The following TENM1 variants were observed in gnomAD, a reference collection of about 807,000 sequenced individuals.
TENM1 encodes the protein teneurin-1.
Under a neutral mutation model 174.8 loss-of-function variants are expected in TENM1, and 35 were observed. That is an observed-to-expected ratio of 0.20 (90% confidence interval 0.15 to 0.27). The LOEUF (loss-of-function observed/expected upper bound fraction) is 0.27, where lower values mean the gene tolerates loss of function less well. Among genes scored for constraint, TENM1 ranks in the 10% least tolerant of loss-of-function variants. TENM1 has a pLI of 1.00. For missense variants in TENM1, 1,633 were observed against 2,130.1 expected (o/e 0.77, Z 4.59); for synonymous variants, 781 against 798.7 (o/e 0.98, Z 0.37).
At chrX:125,161,462 G>T in the TENM1 span, among the ~76,000 whole-genome samples, 235 of 111,694 alleles carry the variant, frequency 2.1e-3, 1 homozygote, top group African/African-American at 7.3e-3. Context: ...GCCATAAAAG[G>T]AATGAAGTGT....
At position 124,756,924 on chromosome X, in the gene TENM1, C is replaced by T. The variant is rs1406208006; in HGVS notation, c.536-19727G>A. On this transcript the variant is annotated intron_variant, in intron 3 of 31. Coordinates refer to ENST00000422452, the Ensembl canonical transcript of TENM1. ...TACTGGGGGGTGCCTCCCAGTTAGG[C>T]TGCTCGGGGGTCAGGGGTCAGGGAC... Among the ~76,000 whole-genome samples, 14 of 112,191 alleles carry T rather than the reference C, an allele frequency of 1.2e-4. 1 individual carries two copies. In the South Asian group the frequency reaches 3.8e-3, roughly 30 times the overall value.
At chrX:124,528,250 T>G (rs184941300) in intron 16 of TENM1, among the ~76,000 whole-genome samples, 9 of 111,096 alleles carry the variant, frequency 8.1e-5, no homozygotes, top group Non-Finnish European at 1.7e-4. Context: ...GCATTTCACT[T>G]AAAACTAAAG....
At chrX:125,015,449 T>TAAAGAGGTATG in the TENM1 span, among the ~76,000 whole-genome samples, 1 of 111,706 alleles carries the variant, frequency 9.0e-6, no homozygotes, top group Non-Finnish European at 1.9e-5. Flanking sequence ...GCACCTATGT[T>TAAAGAGGTATG]TCCCACTACC....
upstream of TENM1, chrX:124,963,958 G>A (rs899376624): frequency 6.7e-5 from 28 of 415,304 alleles, no homozygotes; most frequent in Admixed American, 9.1e-5. Context: ...GAAGCTAGCC[G>A]GAGGCAATAA....
the TENM1 span, among the ~76,000 whole-genome samples, chrX:125,001,541 T>C: frequency 2.7e-5 from 3 of 111,228 alleles, no homozygotes; most frequent in African/African-American, 9.8e-5. Context: ...ACAGACATGA[T>C]AGTCACTAGG....
intron 3 of TENM1, among the ~76,000 whole-genome samples, chrX:124,828,402 G>A (rs2056216222): frequency 8.9e-6 from 1 of 112,193 alleles, no homozygotes; most frequent in South Asian, 3.7e-4. Context: ...TTATTATATT[G>A]TTTTAGCCAC....
intron 3 of TENM1, among the ~76,000 whole-genome samples, chrX:124,874,213 C>T (rs1186165187): frequency 1.8e-5 from 2 of 111,441 alleles, no homozygotes; most frequent in African/African-American, 6.5e-5. Context: ...TTCATATCGA[C>T]TGTATCTATT....
the TENM1 span, among the ~76,000 whole-genome samples, chrX:125,089,155 T>C: frequency 9.0e-6 from 1 of 111,637 alleles, no homozygotes. Context: ...TCAACTGGGG[T>C]GCTGGTCTCT....
At chrX:124,378,290 A>C in exon 32 of TENM1, 1 of 112,606 alleles carries the variant, frequency 8.9e-6, no homozygotes, top group Middle Eastern at 4.6e-3. Flanking sequence ...AATTGCTTAA[A>C]ATATAAGCAA....
At chrX:124,484,451 A>T (rs1013189829) in intron 21 of TENM1, among the ~76,000 whole-genome samples, 1 of 111,945 alleles carries the variant, frequency 8.9e-6, no homozygotes, top group African/African-American at 3.2e-5. Flanking sequence ...ATCTACATAA[A>T]TTATTTGGAA....
chrX:124,694,601 C>T (rs1277440741), intron 5 of TENM1, among the ~76,000 whole-genome samples: 4 of 112,067 alleles, frequency 3.6e-5, no homozygotes, highest in Non-Finnish European at 5.6e-5. Context: ...TTTATTTTTA[C>T]GTTTATATAA....
At chrX:124,513,189 T>G (rs1407961468) in intron 18 of TENM1, among the ~76,000 whole-genome samples, 1 of 111,914 alleles carries the variant, frequency 8.9e-6, no homozygotes, top group Non-Finnish European at 1.9e-5. Flanking sequence ...TTCCAGAGGC[T>G]CTAAGGGAAA....
intron 11 of TENM1, among the ~76,000 whole-genome samples, chrX:124,619,792 T>A (rs2050477316): frequency 1.8e-5 from 2 of 112,091 alleles, no homozygotes; most frequent in Non-Finnish European, 3.8e-5. Flanking sequence ...CCTTGCTATT[T>A]AAAAAACTAT....
chrX:124,503,827 T>A, intron 18 of TENM1, 124 bp from the exon 22 acceptor site: 1 of 681,012 alleles, frequency 1.5e-6, no homozygotes, highest in Non-Finnish European at 2.2e-6. Context: ...GAAATTTGAC[T>A]GCAAATTTCT....
chrX:124,758,931 T>C (rs1436527547), intron 3 of TENM1, among the ~76,000 whole-genome samples: 1 of 111,622 alleles, frequency 9.0e-6, no homozygotes, highest in Admixed American at 9.6e-5. Context: ...TTTTGCAAGA[T>C]GAAAAGGTTC....
At chrX:125,034,215 C>T in the TENM1 span, among the ~76,000 whole-genome samples, 2 of 111,793 alleles carry the variant, frequency 1.8e-5, no homozygotes, top group Admixed American at 1.9e-4. Flanking sequence ...GGAAAAGCAA[C>T]AAATCTACAT....
chrX:124,772,373 T>C (rs952650945), intron 3 of TENM1, among the ~76,000 whole-genome samples: 6 of 112,003 alleles, frequency 5.4e-5, no homozygotes, highest in Non-Finnish European at 1.1e-4. Flanking sequence ...TGACGTCAAG[T>C]GATCTGCCCT....
chrX:124,868,153 A>G (rs755839810), intron 3 of TENM1, among the ~76,000 whole-genome samples: 1 of 112,389 alleles, frequency 8.9e-6, no homozygotes, highest in South Asian at 3.7e-4. Context: ...ATGGAACGAT[A>G]AAAGAGCCAG....
chrX:124,971,016 C>A, the TENM1 span, among the ~76,000 whole-genome samples: 1 of 107,345 alleles, frequency 9.3e-6, no homozygotes, highest in East Asian at 3.0e-4. Flanking sequence ...AACCATCATT[C>A]TCAGCAAACT....
Sources: allele counts gnomAD v4.1 joint callset (sites outside exome capture counted in the v4.1 genomes callset), GRCh38; gene constraint gnomAD v4.1.1; transcripts MANE v1.5; gene names NCBI Gene and HGNC (gene_info 2026-07-23, HGNC 2026-07-21).